Variants in TRIP10 observed in about 807,000 individuals in gnomAD.
TRIP10 encodes cdc42-interacting protein 4.
A neutral mutation model predicts 80.9 loss-of-function variants in TRIP10; 54 were observed. That is an observed-to-expected ratio of 0.67 (90% CI 0.54 to 0.84). The LOEUF is 0.84. Among genes scored for constraint, TRIP10 ranks in the 40% least tolerant of loss-of-function variants. The pLI is 0.00. For synonymous variants in TRIP10, 321 were observed against 307.2 expected (o/e 1.04, Z -0.47); for missense variants, 773 against 815.3 (o/e 0.95, Z 0.63).
Position 6,749,919 on chromosome 19 carries a change from T to C in TRIP10, c.1263-15T>C, listed in dbSNP as rs1969231219. The C allele has an allele frequency of 6.2e-7, 1 of 1,611,690 alleles. No homozygotes were observed. The highest frequency in any genetic ancestry group is 8.5e-7 in the Non-Finnish European group (1 of 1,179,036). ...GAAGTATGTTTTCCTGTCTATCCTG[T>C]CTCCCTTGTCATAGGGAAGCCCTAA... On this transcript the variant is annotated splice_polypyrimidine_tract_variant and intron_variant, in intron 11 of 14. Coordinates refer to ENST00000313244, the MANE Select transcript of TRIP10 (RefSeq NM_001288962.2).
rs1969081773 is a variant in TRIP10, at chr19:6,745,276, C to T, written c.984+282C>T. ...CCTGCTGGTGGAATTCAGGGCTGGC[C>T]TGAGGGCTGGTGACACCATCCCTGG... On this transcript the variant is annotated intron_variant, in intron 9 of 14. Coordinates refer to ENST00000313244, the MANE Select transcript of TRIP10 (RefSeq NM_001288962.2). This position sits in a 1 kb window ranked among gnomAD's most constrained non-coding sequence, Gnocchi z 7.2. 1.0e-5 allele frequency: 5 copies of T among 490,782 alleles called. No homozygotes were observed. Among genetic ancestry groups the T allele is most frequent in the Non-Finnish European group, 1.8e-5 (5 of 279,140 alleles). 30.4% of individuals were successfully genotyped at this position (490,782 alleles called of 1,614,324 possible).
rs1969082179 is a variant in TRIP10 at position 6,745,291 on chromosome 19, A to G, written c.984+297A>G. 2.0e-5 allele frequency: 9 copies of G among 444,698 alleles called. 1 individual carries two copies. The highest frequency in any genetic ancestry group is 4.0e-5 in the Admixed American group (1 of 25,094). The allele number at this position is 444,698 out of a possible 1,614,324, so 27.5% of individuals were successfully genotyped here. A position where few individuals can be genotyped will look rare whatever the true frequency, so the allele number is the denominator to read the frequency against. On this transcript the variant is annotated intron_variant, in intron 9 of 14. Coordinates refer to ENST00000313244, the MANE Select transcript of TRIP10 (RefSeq NM_001288962.2). The surrounding 1 kb of genome is among the most constrained non-coding windows in gnomAD (Gnocchi z 7.2). ...CAGGGCTGGCCTGAGGGCTGGTGACACCATCCCTGGGGACTCCCCGAGTTT... is the reference window on the plus strand; with the variant it reads ...CAGGGCTGGCCTGAGGGCTGGTGACGCCATCCCTGGGGACTCCCCGAGTTT...
intron 11 of TRIP10, 74 bp from the exon 12 acceptor site, chr19:6,749,855 CAAACA>C (rs1349707360): frequency 6.4e-7 from 1 of 1,553,840 alleles, no homozygotes; most frequent in South Asian, 1.2e-5. Context: ...GACCCTGACT[CAAACA>C]AAACAAAACA....
At chr19:6,750,138 T>TGGGGGGGGGGGG in intron 12 of TRIP10, 72 bp downstream of exon 12, 2 of 481,526 alleles carry the variant, frequency 4.2e-6, no homozygotes, top group Admixed American at 3.0e-5. Flanking sequence ...GGGTGGGGGG[T>TGGGGGGGGGGGG]CGGGGACAGG....
chr19:6,750,611 T>C lies in TRIP10; in HGVS notation c.1635T>C (p.Cys545=). ...AACCCACATCCCCCATAGGTCACTGTGTGGCCATCTACCACTTTGAAGGTG... is the reference window on the plus strand; with the variant it reads ...AACCCACATCCCCCATAGGTCACTGCGTGGCCATCTACCACTTTGAAGGTG... ...EEEPTSPIGH[C]VAIYHFEGSS... Residue 545 remains cysteine (C), a synonymous_variant, in exon 14 of 15, where the codon TGT becomes TGC. Coordinates refer to ENST00000313244, the MANE Select transcript of TRIP10 (RefSeq NM_001288962.2). The C allele has an allele frequency of 6.2e-7, 1 of 1,614,222 alleles. No individual in the cohort carries two copies. The highest frequency in any genetic ancestry group is 8.5e-7 in the Non-Finnish European group (1 of 1,180,020).
chr19:6,740,895 C>A lies in TRIP10; in HGVS notation c.25-115C>A, dbSNP rs574314650. 4.6e-4 allele frequency: 413 copies of A among 901,598 alleles called. 1 individual carries two copies. The African/African-American group carries it at 6.2e-3, about 14-fold the overall frequency. 55.8% of individuals were successfully genotyped at this position (901,598 alleles called of 1,614,324 possible). A position where few individuals can be genotyped will look rare whatever the true frequency, so the allele number is the denominator to read the frequency against. On this transcript the variant is annotated intron_variant, in intron 1 of 14. Transcript: ENST00000313244. ...GCCGGGGCGGCGCCGGGAAGCCACTCCTTCTAGGAGCGCAGAGCCTTGGCC... is the reference window on the plus strand; with the variant it reads ...GCCGGGGCGGCGCCGGGAAGCCACTACTTCTAGGAGCGCAGAGCCTTGGCC...
chr19:6,741,359 G>T, intron 3 of TRIP10, 78 bp downstream of exon 3: 3 of 1,494,760 alleles, frequency 2.0e-6, no homozygotes. Context: ...TCCCTCAGCT[G>T]GGACACCCCA....
chr19:6,745,165 TC>T lies in TRIP10; in HGVS notation c.984+176del. On this transcript the variant is annotated intron_variant, in intron 9 of 14. Coordinates refer to ENST00000313244, the MANE Select transcript of TRIP10 (RefSeq NM_001288962.2). This position sits in a 1 kb window ranked among gnomAD's most constrained non-coding sequence, Gnocchi z 7.2. ...GGAAGGCGGCCGATTGGCCTGGGAG[TC>T]CCCCGAGGCGAAGGCGGGGGCAGGG... is the stretch of plus-strand genomic sequence containing the variant. 1.1e-6 allele frequency: 1 copy of T among 911,244 alleles called. No homozygotes were observed. Among genetic ancestry groups the T allele is most frequent in the Non-Finnish European group, 1.6e-6 (1 of 635,180 alleles). The allele number at this position is 911,244 out of a possible 1,614,324, so 56.4% of individuals were successfully genotyped here. A position where few individuals can be genotyped will look rare whatever the true frequency, so the allele number is the denominator to read the frequency against.
At position 6,751,351 on chromosome 19, in the gene TRIP10, C is replaced by G. The variant is rs1488614522; in HGVS notation, c.*140C>G. 3 of 1,479,110 alleles carry G rather than the reference C, an allele frequency of 2.0e-6. No homozygotes were observed. Among genetic ancestry groups the G allele is most frequent in the East Asian group, 2.5e-5 (1 of 39,678 alleles). The allele number at this position is 1,479,110 out of a possible 1,614,324, so 91.6% of individuals were successfully genotyped here. A position where few individuals can be genotyped will look rare whatever the true frequency, so the allele number is the denominator to read the frequency against. ...ACCTGCTGCCCCCTCCACCCCCAAC[C>G]CAGTCCTACCTGTCACACCGGACGG... On this transcript the variant is annotated 3_prime_UTR_variant, in exon 15 of 15. Transcript: ENST00000313244.
chr19:6,744,846 C>T lies in TRIP10; in HGVS notation c.836C>T (p.Pro279Leu), dbSNP rs750890336. The change falls in exon 9 of 15, where the codon CCG (proline) becomes CTG (leucine). Residue 279 changes from proline (P) to leucine (L), a missense_variant. By Grantham distance (98) the Pro-to-Leu change is moderately conservative. Transcript: ENST00000313244. The surrounding 1 kb of genome is among the most constrained non-coding windows in gnomAD (Gnocchi z 4.9). Reference protein sequence around the residue: ...IELHKSGFARPGDVEFEDFSQ... With the variant: ...IELHKSGFARLGDVEFEDFSQ... Reference sequence around the variant, plus strand: ...CTGCACAAGTCAGGTTTTGCCCGCCCGGGCGACGTGGAATTCGAGGACTTC... The same window carrying T: ...CTGCACAAGTCAGGTTTTGCCCGCCTGGGCGACGTGGAATTCGAGGACTTC... The T allele has an allele frequency of 3.5e-5, 57 of 1,614,210 alleles. No homozygotes were observed. The highest frequency in any genetic ancestry group is 1.3e-4 in the South Asian group (12 of 91,084).
chr19:6,739,849 C>T, intron 1 of TRIP10, 64 bp downstream of exon 1: 3 of 1,388,024 alleles, frequency 2.2e-6, no homozygotes, highest in Non-Finnish European at 2.8e-6. Flanking sequence ...CCCTTTTGTC[C>T]CCAATGTATC....
rs1243557575 is a variant in TRIP10 at position 6,750,438 on chromosome 19, G to A, written c.1535+7G>A. 4 of 1,613,926 alleles carry A rather than the reference G, an allele frequency of 2.5e-6. No homozygotes were observed. Among genetic ancestry groups the A allele is most frequent in the Non-Finnish European group, 2.5e-6 (3 of 1,179,968 alleles). On this transcript the variant is annotated splice_region_variant and intron_variant, in intron 13 of 14. Coordinates refer to ENST00000313244, the MANE Select transcript of TRIP10 (RefSeq NM_001288962.2). The stretch of plus-strand genomic sequence containing the variant: ...CACAGGACACCAAGGAGAGGTGAGG[G>A]GTGACGTCAGAGTGGGTCTGTTCCC...
At chr19:6,749,833 G>A in intron 11 of TRIP10, 101 bp from the exon 12 acceptor site, 2 of 1,491,904 alleles carry the variant, frequency 1.3e-6, no homozygotes, top group Non-Finnish European at 1.8e-6. Flanking sequence ...CCTGGGGAAA[G>A]AGTCAGAATG....
At position 6,741,411 on chromosome 19, in the gene TRIP10, G is replaced by A. The variant is rs779296018; in HGVS notation, c.197+130G>A. 80 of 1,067,660 alleles carry A rather than the reference G, an allele frequency of 7.5e-5. No homozygotes were observed. The Admixed American group carries it at 1.6e-3, about 22-fold the overall frequency. The allele number at this position is 1,067,660 out of a possible 1,614,324, so 66.1% of individuals were successfully genotyped here. On this transcript the variant is annotated intron_variant, in intron 3 of 14. Coordinates refer to ENST00000313244, the MANE Select transcript of TRIP10 (RefSeq NM_001288962.2). Reference sequence around the variant, plus strand: ...CCCTTCTAGAGGTGAGAGCATGGATGCAAGATGCGGGATTATCTGGCTTGG... The same window carrying A: ...CCCTTCTAGAGGTGAGAGCATGGATACAAGATGCGGGATTATCTGGCTTGG...
intron 1 of TRIP10, chr19:6,740,788 GCT>G (rs1968891571): frequency 3.7e-6 from 2 of 546,902 alleles, no homozygotes; most frequent in South Asian, 4.5e-5. Flanking sequence ...GGCCGGGGTG[GCT>G]GGGGCCTGGG....
rs571561775 is a variant in TRIP10, at chr19:6,745,121, C to T, written c.984+127C>T. On this transcript the variant is annotated intron_variant, in intron 9 of 14. Transcript: ENST00000313244. This position sits in a 1 kb window ranked among gnomAD's most constrained non-coding sequence, Gnocchi z 7.2. ...GGGCAGGAATTTTCCTCTTGGCTGCCAGCCCGGACTGGAGGGAAGGAAGGC... is the reference window on the plus strand; with the variant it reads ...GGGCAGGAATTTTCCTCTTGGCTGCTAGCCCGGACTGGAGGGAAGGAAGGC... 6.7e-5 allele frequency: 88 copies of T among 1,303,862 alleles called. No homozygotes were observed. The South Asian group carries it at 1.1e-3, about 17-fold the overall frequency. The allele number at this position is 1,303,862 out of a possible 1,614,324, so 80.8% of individuals were successfully genotyped here.
rs756934911 is a variant in TRIP10, at chr19:6,746,588, G to A, written c.1262+27G>A. On this transcript the variant is annotated intron_variant, in intron 11 of 14. Transcript: ENST00000313244. This position sits in a 1 kb window ranked among gnomAD's most constrained non-coding sequence, Gnocchi z 6.2. ...TAAGGTGGTGGGGTAGGGAAGGACA[G>A]GCAAGGAACATGATAAAATAGTAAA... 6.5e-5 allele frequency: 100 copies of A among 1,547,410 alleles called. No homozygotes were observed. Among genetic ancestry groups the A allele is most frequent in the Non-Finnish European group, 8.1e-5 (91 of 1,119,844 alleles).
intron 5 of TRIP10, 49 bp downstream of exon 5, chr19:6,743,305 G>C (rs1186913649): frequency 6.2e-7 from 1 of 1,607,350 alleles, no homozygotes; most frequent in Non-Finnish European, 8.5e-7. Flanking sequence ...CATGGGGGCA[G>C]GGTTGCGGAT....
intron 14 of TRIP10, among the ~76,000 whole-genome samples, 195 bp from the exon 15 acceptor site, chr19:6,750,868 C>T (rs111369943): frequency 0.11 from 17,178 of 152,172 alleles, 1,090 homozygotes; most frequent in South Asian, 0.2. Context: ...TGGTGGCGCA[C>T]GCCTGTGATC....
Sources: allele counts gnomAD v4.1 joint callset (sites outside exome capture counted in the v4.1 genomes callset), GRCh38; gene constraint gnomAD v4.1.1; non-coding constraint Gnocchi (gnomAD v3.1); transcripts MANE v1.5; gene names NCBI Gene and HGNC (gene_info 2026-07-23, HGNC 2026-07-21).